POC5: variants seen among roughly 807,000 people sequenced by gnomAD.
The protein encoded by POC5 is centrosomal protein POC5.
A neutral mutation model predicts 62.9 loss-of-function variants in POC5; 48 were observed. The observed-to-expected ratio is 0.76, with a 90% confidence interval of 0.61 to 0.97. The LOEUF is 0.97. Among genes scored for constraint, POC5 ranks in the 50% least tolerant of loss-of-function variants. POC5 has a pLI of 0.00. For missense variants in POC5, 696 were observed against 679.5 expected (o/e 1.02, Z -0.27); for synonymous variants, 236 against 228.2 (o/e 1.03, Z -0.31).
chr5:75,681,380 TA>T (rs1329658166), intron 10 of POC5, among the ~76,000 whole-genome samples: 1 of 152,142 alleles, frequency 6.6e-6, no homozygotes, highest in African/African-American at 2.4e-5. Flanking sequence ...CAAATAGCTT[TA>T]AAATTCAGTG....
intron 5 of POC5, among the ~76,000 whole-genome samples, chr5:75,699,944 A>C (rs1336435885): frequency 2.0e-5 from 3 of 152,008 alleles, no homozygotes; most frequent in Admixed American, 1.3e-4. Flanking sequence ...AGAGAGCCAA[A>C]TCATGAGTGA....
At chr5:75,713,481 A>G (rs568564153) in intron 1 of POC5, among the ~76,000 whole-genome samples, 1 of 152,346 alleles carries the variant, frequency 6.6e-6, no homozygotes, top group South Asian at 2.1e-4. Context: ...AATAGTGACT[A>G]TTCGAACTAT....
At chr5:75,690,613 A>G in intron 7 of POC5, 51 bp from the exon 8 acceptor site, 2 of 1,344,200 alleles carry the variant, frequency 1.5e-6, no homozygotes, top group South Asian at 2.7e-5. Context: ...TGATAAATAT[A>G]TTGGTAGTAA....
Position 75,685,459 on chromosome 5 carries a change from C to T in POC5, c.1155G>A (p.Lys385=), listed in dbSNP as rs202094495. 5.3e-5 allele frequency: 85 copies of T among 1,611,490 alleles called. 1 individual carries two copies. The African/African-American group carries it at 7.5e-4, about 14-fold the overall frequency. ...DAGIDSTNNK[K]EEYGPGVQGK... ...CTTGAACACCAGGACCATACTCTTC[C>T]TTTTTATTATTTGTGGAGTCTATCC... The change falls in exon 10 of 12, where the codon AAG becomes AAA. Residue 385 remains lysine (K), a synonymous_variant. Coordinates refer to ENST00000428202, the MANE Select transcript of POC5 (RefSeq NM_001099271.2).
chr5:75,690,254 A>G, intron 8 of POC5, 129 bp downstream of exon 8: 1 of 844,250 alleles, frequency 1.2e-6, no homozygotes, highest in Non-Finnish European at 1.8e-6. Context: ...TAACACAAGA[A>G]TAAACGTTTT....
intron 10 of POC5, among the ~76,000 whole-genome samples, chr5:75,680,541 G>C (rs898454478): frequency 1.3e-5 from 2 of 151,852 alleles, no homozygotes; most frequent in Non-Finnish European, 2.9e-5. Context: ...GTTTACTGTC[G>C]GCTGCTTGTT....
At chr5:75,681,477 G>A (rs1775864957) in intron 10 of POC5, among the ~76,000 whole-genome samples, 1 of 151,942 alleles carries the variant, frequency 6.6e-6, no homozygotes, top group African/African-American at 2.4e-5. Flanking sequence ...ACTGCAATAT[G>A]CTTGCTTGTA....
At chr5:75,675,629 A>C (rs1364589199) in intron 11 of POC5, among the ~76,000 whole-genome samples, 2 of 152,258 alleles carry the variant, frequency 1.3e-5, no homozygotes, top group Non-Finnish European at 2.9e-5. Context: ...TTATTTGTAC[A>C]TAAACAACTG....
At chr5:75,687,303 T>C (rs529487232) in intron 9 of POC5, among the ~76,000 whole-genome samples, 31 of 152,316 alleles carry the variant, frequency 2.0e-4, no homozygotes, top group Admixed American at 5.2e-4. Context: ...GTGCTGGGAT[T>C]ACAGGTGTGA....
intron 9 of POC5, among the ~76,000 whole-genome samples, chr5:75,687,614 T>C (rs1163866242): frequency 2.6e-5 from 4 of 152,238 alleles, no homozygotes; most frequent in East Asian, 1.9e-4. Context: ...AATCCTCTTA[T>C]GGATATTGGC....
At chr5:75,692,373 CT>C in intron 7 of POC5, 22 bp downstream of exon 7, 1 of 1,508,826 alleles carries the variant, frequency 6.6e-7, no homozygotes, top group South Asian at 1.2e-5. Context: ...CATCCATCAG[CT>C]GTCTTCTGCT....
chr5:75,707,238 CT>C (rs1171017495), intron 3 of POC5, among the ~76,000 whole-genome samples: 1 of 152,196 alleles, frequency 6.6e-6, no homozygotes, highest in Non-Finnish European at 1.5e-5. Flanking sequence ...TTTATAGTAG[CT>C]TTCAGTTCTG....
chr5:75,696,757 G>A (rs547305563), intron 5 of POC5, among the ~76,000 whole-genome samples: 4 of 152,150 alleles, frequency 2.6e-5, no homozygotes, highest in South Asian at 2.1e-4. Flanking sequence ...AAATTACTCC[G>A]AGCTACGGGA....
intron 10 of POC5, among the ~76,000 whole-genome samples, chr5:75,683,257 GAC>G (rs1580003260): frequency 7.0e-6 from 1 of 141,926 alleles, no homozygotes; most frequent in East Asian, 2.1e-4. Context: ...TTTTTTTTGA[GAC>G]AGTCTCGCTG....
At chr5:75,701,016 T>C (rs200022150) in intron 5 of POC5, among the ~76,000 whole-genome samples, 7,633 of 124,552 alleles carry the variant, frequency 0.061, 579 homozygotes, top group South Asian at 0.18. Flanking sequence ...AAAACCACAA[T>C]GAGATACCAT....
chr5:75,687,315 C>T (rs944327948), intron 9 of POC5, among the ~76,000 whole-genome samples: 10 of 152,198 alleles, frequency 6.6e-5, no homozygotes, highest in South Asian at 2.1e-4. Context: ...CAGGTGTGAG[C>T]GACCGCGCCT....
chr5:75,681,633 A>ATTT (rs1561461640), intron 10 of POC5, among the ~76,000 whole-genome samples: 6,538 of 148,938 alleles, frequency 0.044, 469 homozygotes, highest in African/African-American at 0.15. Flanking sequence ...TAATTTTTTA[A>ATTT]AATAATAATA....
Position 75,677,894 on chromosome 5 carries a change from GGCT to G in POC5, c.1461_1463del (p.Ala488del). On this transcript the variant is annotated inframe_deletion, in exon 11 of 12. Coordinates refer to ENST00000428202, the MANE Select transcript of POC5 (RefSeq NM_001099271.2). ...CAAAATCACATCTTCCTGTGATCCG[GGCT>G]GTAATAGTTCTTCCTGCTTTCTGTT... is the stretch of plus-strand genomic sequence containing the variant. The G allele has an allele frequency of 6.2e-7, 1 of 1,610,908 alleles. No homozygotes were observed. The highest frequency in any genetic ancestry group is 1.1e-5 in the South Asian group (1 of 90,676).
At chr5:75,686,164 G>C (rs1202126263) in intron 9 of POC5, among the ~76,000 whole-genome samples, 2 of 152,136 alleles carry the variant, frequency 1.3e-5, no homozygotes, top group Non-Finnish European at 2.9e-5. Flanking sequence ...CTTGATCTAA[G>C]GAGCCAATAA....
Sources: gnomAD v4.1 joint callset for allele counts (sites outside exome capture counted in the v4.1 genomes callset) on GRCh38, gnomAD v4.1.1 for gene constraint, MANE v1.5 for transcripts, NCBI Gene and HGNC (gene_info 2026-07-23, HGNC 2026-07-21) for gene names.